Variants in CCDC47 observed in about 807,000 individuals in gnomAD.
CCDC47 encodes coiled-coil domain containing 47, also known as PAT complex subunit CCDC47.
In CCDC47, 41 loss-of-function variants were observed where a neutral mutation model predicts 60.5. The observed-to-expected ratio is 0.68, with a 90% CI of 0.53 to 0.88. The LOEUF (loss-of-function observed/expected upper bound fraction) is 0.88. Ranked by LOEUF, CCDC47 falls within the 40% of genes least tolerant of loss-of-function variation. The pLI is 0.00. For synonymous variants in CCDC47, 195 were observed against 190.7 expected, an observed-to-expected ratio of 1.02 and a Z score of -0.18; for missense variants, 513 against 580.9, an observed-to-expected ratio of 0.88 and a Z score of 1.20.
chr17:63,771,039 A>AGGAG, intron 1 of CCDC47, among the ~76,000 whole-genome samples: 1 of 144,218 alleles, frequency 6.9e-6, no homozygotes, highest in East Asian at 2.1e-4. Flanking sequence ...GAAGGAAGGA[A>AGGAG]GGAAGGAAGA....
At chr17:63,749,220 A>G (rs1399067573) in intron 12 of CCDC47, among the ~76,000 whole-genome samples, 2 of 150,090 alleles carry the variant, frequency 1.3e-5, no homozygotes, top group Non-Finnish European at 3.0e-5. Context: ...CAGCCTGACC[A>G]ACATGGTGAA....
At chr17:63,760,062 C>CAAAAAAA (rs10643408) in intron 6 of CCDC47, among the ~76,000 whole-genome samples, 4 of 98,406 alleles carry the variant, frequency 4.1e-5, no homozygotes, top group African/African-American at 3.9e-5. Flanking sequence ...GACTCCGTCT[C>CAAAAAAA]AAAAAAAAAA....
At chr17:63,753,044 A>T (rs2144474358) in intron 9 of CCDC47, 1 of 544,108 alleles carries the variant, frequency 1.8e-6, no homozygotes, top group South Asian at 8.0e-5. Flanking sequence ...TGTTCCCTCC[A>T]GGCAAGGGTA....
intron 1 of CCDC47, among the ~76,000 whole-genome samples, chr17:63,769,661 A>G (rs1360274480): frequency 6.6e-6 from 1 of 151,910 alleles, no homozygotes; most frequent in Non-Finnish European, 1.5e-5. Context: ...AAAACAAAAA[A>G]GTTTAACAGG....
intron 7 of CCDC47, 34 bp from the exon 8 acceptor site, chr17:63,756,384 C>G (rs1218700612): frequency 2.5e-6 from 4 of 1,592,388 alleles, no homozygotes; most frequent in Non-Finnish European, 3.4e-6. Context: ...TAAGATATGA[C>G]CTTTTATTAT....
intron 8 of CCDC47, among the ~76,000 whole-genome samples, chr17:63,755,033 C>A (rs1321772819): frequency 1.3e-5 from 2 of 152,110 alleles, no homozygotes; most frequent in Non-Finnish European, 2.9e-5. Flanking sequence ...TGCAGTGGCA[C>A]AATCATAGCT....
chr17:63,762,763 A>C (rs1161489258), intron 4 of CCDC47, among the ~76,000 whole-genome samples: 1 of 152,210 alleles, frequency 6.6e-6, no homozygotes, highest in Non-Finnish European at 1.5e-5. Context: ...TAAAAGATGA[A>C]TTGAGAGCAT....
chr17:63,766,919 A>T, intron 1 of CCDC47: 1 of 984,290 alleles, frequency 1.0e-6, no homozygotes. Flanking sequence ...AAAGCCATTC[A>T]CCCTTAGATT....
chr17:63,760,572 C>G (rs1568249589), intron 6 of CCDC47, among the ~76,000 whole-genome samples: 1 of 152,186 alleles, frequency 6.6e-6, no homozygotes, highest in Non-Finnish European at 1.5e-5. Flanking sequence ...AGCGTGATGG[C>G]TCACGTCTAT....
At chr17:63,768,790 G>A (rs780941685) in intron 1 of CCDC47, among the ~76,000 whole-genome samples, 1 of 150,932 alleles carries the variant, frequency 6.6e-6, no homozygotes, top group African/African-American at 2.4e-5. Flanking sequence ...CTACAAAAAA[G>A]CTTTTAAAAA....
intron 2 of CCDC47, 176 bp downstream of exon 2, chr17:63,765,736 A>T: frequency 7.1e-7 from 1 of 1,402,886 alleles, no homozygotes; most frequent in Middle Eastern, 2.6e-4. Flanking sequence ...AACACAATTC[A>T]TTCTGTTAAT....
At chr17:63,754,815 G>A (rs2039192982) in intron 8 of CCDC47, among the ~76,000 whole-genome samples, 2 of 151,650 alleles carry the variant, frequency 1.3e-5, no homozygotes, top group Admixed American at 1.3e-4. Flanking sequence ...CCCGGGAGGT[G>A]GAGGTTGCCG....
chr17:63,765,740 T>C, intron 2 of CCDC47, 172 bp downstream of exon 2: 5 of 1,405,668 alleles, frequency 3.6e-6, no homozygotes, highest in Non-Finnish European at 4.6e-6. Flanking sequence ...CAATTCATTC[T>C]GTTAATGTAA....
intron 4 of CCDC47, 164 bp from the exon 5 acceptor site, chr17:63,761,515 A>AC: frequency 3.0e-6 from 1 of 329,998 alleles, no homozygotes. Context: ...CCCTGTCCCT[A>AC]CTAAAAAAAA....
chr17:63,755,918 GAGCTCAAAAAAAAAAAAAAA>G (rs2039201808), intron 8 of CCDC47, among the ~76,000 whole-genome samples: 2 of 107,862 alleles, frequency 1.9e-5, no homozygotes, highest in Non-Finnish European at 3.5e-5. Flanking sequence ...ACACAAACTG[GAGCTCAAAAAAAAAAAAAAA>G]AAAGACTAAA....
intron 12 of CCDC47, among the ~76,000 whole-genome samples, chr17:63,750,564 A>G (rs2039155157): frequency 6.6e-6 from 1 of 150,502 alleles, no homozygotes; most frequent in South Asian, 2.1e-4. Context: ...ACTAAAATTC[A>G]CATCTTTCAG....
intron 1 of CCDC47, chr17:63,766,818 C>G (rs1424739293): frequency 1.0e-6 from 1 of 978,122 alleles, no homozygotes; most frequent in Non-Finnish European, 1.2e-6. Flanking sequence ...TATTAAAAAG[C>G]TTTCTATAGA....
chr17:63,750,488 C>G (rs931062228), intron 12 of CCDC47, among the ~76,000 whole-genome samples: 11 of 152,140 alleles, frequency 7.2e-5, no homozygotes, highest in African/African-American at 2.7e-4. Flanking sequence ...CAGCAGCTCA[C>G]ATTTTCTTGG....
intron 8 of CCDC47, among the ~76,000 whole-genome samples, chr17:63,755,759 G>C (rs903448943): frequency 1.3e-5 from 2 of 152,004 alleles, no homozygotes; most frequent in Non-Finnish European, 2.9e-5. Context: ...GCTGAGGCAG[G>C]AGGAACACTT....
Sources: allele counts gnomAD v4.1 joint callset (sites outside exome capture counted in the v4.1 genomes callset), GRCh38; gene constraint gnomAD v4.1.1; transcripts MANE v1.5; gene names NCBI Gene and HGNC (gene_info 2026-07-23, HGNC 2026-07-21).